EHD4: variants seen among roughly 807,000 people sequenced by gnomAD.
The protein encoded by EHD4 is EH domain-containing protein 4.
A neutral mutation model predicts 51.0 loss-of-function variants in EHD4; 37 were observed. That is an observed-to-expected ratio of 0.73 (90% CI 0.56 to 0.95). The LOEUF (loss-of-function observed/expected upper bound fraction) is 0.95. Ranked by LOEUF, EHD4 falls within the 40% of genes least tolerant of loss-of-function variation. EHD4 has a pLI of 0.00. For synonymous variants in EHD4, 297 were observed against 317.3 expected (o/e 0.94, Z 0.68); for missense variants, 632 against 733.1 (o/e 0.86, Z 1.59).
At chr15:41,944,235 A>G (rs1401638686) in intron 2 of EHD4, among the ~76,000 whole-genome samples, 1 of 152,126 alleles carries the variant, frequency 6.6e-6, no homozygotes, top group Non-Finnish European at 1.5e-5. Context: ...ATGTCCTTTT[A>G]GCTTTCAGAC....
chr15:41,946,854 G>C (rs979218743), intron 2 of EHD4, among the ~76,000 whole-genome samples: 2 of 152,154 alleles, frequency 1.3e-5, no homozygotes, highest in African/African-American at 4.8e-5. Context: ...AGAAGAACCA[G>C]ACAGTACCTT....
intron 1 of EHD4, among the ~76,000 whole-genome samples, chr15:41,958,447 T>A (rs765806533): frequency 4.6e-5 from 7 of 152,144 alleles, no homozygotes; most frequent in Non-Finnish European, 1.0e-4. Flanking sequence ...GTTGCCAGCA[T>A]TCAGCCCAAG....
At chr15:41,901,555 G>A (rs2067478111) in intron 5 of EHD4, among the ~76,000 whole-genome samples, 2 of 152,262 alleles carry the variant, frequency 1.3e-5, no homozygotes, top group Non-Finnish European at 2.9e-5. Context: ...AGGAAGGAGG[G>A]GCAGGCATTT....
chr15:41,960,670 A>ATTTTT (rs577281838), intron 1 of EHD4, among the ~76,000 whole-genome samples: 3 of 127,908 alleles, frequency 2.3e-5, no homozygotes, highest in Admixed American at 8.0e-5. Context: ...CTTCACTTAC[A>ATTTTT]TTTTTTTTTT....
chr15:41,921,947 A>G (rs2067628427), intron 3 of EHD4, among the ~76,000 whole-genome samples: 1 of 152,178 alleles, frequency 6.6e-6, no homozygotes, highest in Admixed American at 6.5e-5. Context: ...CACAGTGAAA[A>G]TAAGAATTTA....
intron 1 of EHD4, among the ~76,000 whole-genome samples, chr15:41,956,680 T>A (rs1178365001): frequency 6.6e-6 from 1 of 152,206 alleles, no homozygotes; most frequent in Non-Finnish European, 1.5e-5. Context: ...AAGTGTGAAA[T>A]AATTTGAAGT....
intron 4 of EHD4, among the ~76,000 whole-genome samples, chr15:41,916,607 A>C (rs1193154635): frequency 1.3e-5 from 2 of 152,262 alleles, no homozygotes; most frequent in Admixed American, 6.5e-5. Context: ...AACTCAGGTA[A>C]GCATCTGTCC....
chr15:41,935,390 A>T (rs1016101291), intron 3 of EHD4, among the ~76,000 whole-genome samples: 1 of 152,152 alleles, frequency 6.6e-6, no homozygotes, highest in Non-Finnish European at 1.5e-5. Context: ...TAAGAAATTG[A>T]CCAGGGGGCA....
intron 2 of EHD4, among the ~76,000 whole-genome samples, chr15:41,946,956 G>T (rs1001294825): frequency 6.6e-6 from 1 of 152,054 alleles, no homozygotes; most frequent in Admixed American, 6.6e-5. Context: ...CCTCTTACTG[G>T]GTGTCAGGCA....
chr15:41,935,767 T>TA (rs2067727954), intron 3 of EHD4, among the ~76,000 whole-genome samples: 1 of 152,222 alleles, frequency 6.6e-6, no homozygotes, highest in African/African-American at 2.4e-5. Context: ...GCTTAAACAA[T>TA]AACTTCTATT....
intron 2 of EHD4, among the ~76,000 whole-genome samples, chr15:41,945,753 C>T (rs1413884497): frequency 6.6e-6 from 1 of 152,242 alleles, no homozygotes. Flanking sequence ...GCAATCATGC[C>T]TCATGCTTCT....
intron 2 of EHD4, among the ~76,000 whole-genome samples, chr15:41,948,945 T>C (rs1300830707): frequency 6.7e-6 from 1 of 149,302 alleles, no homozygotes; most frequent in Non-Finnish European, 1.5e-5. Context: ...GGAGGATTGC[T>C]GGAGCAGAAG....
intron 3 of EHD4, among the ~76,000 whole-genome samples, chr15:41,935,194 C>G (rs1000056529): frequency 6.6e-6 from 1 of 152,192 alleles, no homozygotes; most frequent in African/African-American, 2.4e-5. Context: ...GCCTAAATGC[C>G]ACCTCCTCAG....
At position 41,901,100 on chromosome 15, in the gene EHD4, T is replaced by C. The variant is rs2067475034; in HGVS notation, c.1171A>G (p.Asn391Asp). Residue 391 changes from asparagine (N) to aspartate (D), a missense_variant, in exon 6 of 6, where the codon AAC becomes GAC. Coordinates refer to ENST00000220325, the MANE Select transcript of EHD4 (RefSeq NM_139265.4). ...AGGTTCATGAGGGGCGAGATCTTGT[T>C]GCTCAGCATGTTGTCCACTGCCTCG... is the stretch of plus-strand genomic sequence containing the variant. ...LIEAVDNMLS[N>D]KISPLMNLIS... 6.2e-7 allele frequency: 1 copy of C among 1,610,750 alleles called. No individual in the cohort carries two copies. The highest frequency in any genetic ancestry group is 1.7e-5 in the Admixed American group (1 of 59,362).
At chr15:41,932,286 G>A (rs1180622558) in intron 3 of EHD4, among the ~76,000 whole-genome samples, 3 of 152,228 alleles carry the variant, frequency 2.0e-5, no homozygotes, top group Admixed American at 2.0e-4. Flanking sequence ...AATCCCGCCA[G>A]GGCTCCACGT....
intron 1 of EHD4, among the ~76,000 whole-genome samples, chr15:41,955,367 G>A (rs559380724): frequency 2.0e-5 from 3 of 152,304 alleles, no homozygotes; most frequent in Non-Finnish European, 2.9e-5. Flanking sequence ...ACTGTCTTCA[G>A]AAATGGCCTC....
intron 2 of EHD4, among the ~76,000 whole-genome samples, chr15:41,951,228 G>C (rs1370722228): frequency 1.3e-5 from 2 of 152,210 alleles, no homozygotes; most frequent in Non-Finnish European, 2.9e-5. Flanking sequence ...GGGGTTCTGT[G>C]AGGATTTAAA....
chr15:41,930,203 T>C lies in EHD4; in HGVS notation c.512-10581A>G, dbSNP rs372272093. Among the ~76,000 whole-genome samples, 298 of 152,298 alleles carry C rather than the reference T, an allele frequency of 2.0e-3. 1 individual carries two copies. Among genetic ancestry groups the C allele is most frequent in the African/African-American group, 6.7e-3 (278 of 41,534 alleles). On this transcript the variant is annotated intron_variant, in intron 3 of 5. Transcript: ENST00000220325. ...TAAGAAGTCACCCCATCTAACCTTC[T>C]GATATTATTATATATTAGGATGAAC...
Position 41,901,011 on chromosome 15 carries a change from G to A in EHD4, c.1260C>T (p.Thr420=). Residue 420 remains threonine, a synonymous_variant, in exon 6 of 6, where the codon ACC becomes ACT. Coordinates refer to ENST00000220325, the MANE Select transcript of EHD4 (RefSeq NM_139265.4). ...QLVQGGAFDG[T]TEGPFNQGYG... is the part of the protein sequence containing the mutation. Reference sequence around the variant, plus strand: ...AGCCCTGGTTGAAGGGGCCCTCGGTGGTGCCATCGAAGGCGCCGCCCTGCA... The same window carrying A: ...AGCCCTGGTTGAAGGGGCCCTCGGTAGTGCCATCGAAGGCGCCGCCCTGCA... 1 of 1,608,606 alleles carries A rather than the reference G, an allele frequency of 6.2e-7. No homozygotes were observed. Among genetic ancestry groups the A allele is most frequent in the Non-Finnish European group, 8.5e-7 (1 of 1,176,084 alleles).
Sources: gnomAD v4.1 joint callset for allele counts (sites outside exome capture counted in the v4.1 genomes callset) on GRCh38, gnomAD v4.1.1 for gene constraint, MANE v1.5 for transcripts, NCBI Gene and HGNC (gene_info 2026-07-23, HGNC 2026-07-21) for gene names.